The following PPTC7 variants were observed in gnomAD, a reference collection of about 807,000 sequenced individuals.
PPTC7 encodes protein phosphatase targeting COQ7.
A neutral mutation model predicts 30.8 loss-of-function variants in PPTC7; 6 were observed. That is an observed-to-expected ratio of 0.19 (90% CI 0.11 to 0.38). PPTC7 has a LOEUF of 0.38. Among genes scored for constraint, PPTC7 ranks in the 10% least tolerant of loss-of-function variants. The pLI, the probability that PPTC7 is intolerant of heterozygous loss-of-function variation, is 1.00. For synonymous variants in PPTC7, 163 were observed against 168.1 expected (o/e 0.97, Z 0.23); for missense variants, 218 against 404.8 (o/e 0.54, Z 3.96).
intron 3 of PPTC7, among the ~76,000 whole-genome samples, chr12:110,542,690 A>AG (rs2064271220): frequency 6.6e-6 from 1 of 150,806 alleles, no homozygotes; most frequent in African/African-American, 2.4e-5. Flanking sequence ...AAAAAAAAAA[A>AG]AAAAAAAAAG....
At chr12:110,574,562 G>A (rs923211241) in intron 1 of PPTC7, among the ~76,000 whole-genome samples, 3 of 152,224 alleles carry the variant, frequency 2.0e-5, no homozygotes, top group East Asian at 1.9e-4. Flanking sequence ...AAAACATTTA[G>A]CATCTCTTTT....
chr12:110,538,809 A>G (rs144725889), intron 4 of PPTC7, among the ~76,000 whole-genome samples: 19 of 152,314 alleles, frequency 1.2e-4, no homozygotes, highest in Non-Finnish European at 2.2e-4. Flanking sequence ...TTTCAGTATA[A>G]TGACAGGTCT....
chr12:110,573,898 T>C (rs1329455007), intron 1 of PPTC7, among the ~76,000 whole-genome samples: 2 of 151,972 alleles, frequency 1.3e-5, no homozygotes, highest in East Asian at 1.9e-4. Flanking sequence ...CGAGAATCGC[T>C]TGAACCCGGG....
chr12:110,549,867 G>C (rs907108990), intron 2 of PPTC7, among the ~76,000 whole-genome samples: 9 of 152,152 alleles, frequency 5.9e-5, no homozygotes, highest in Admixed American at 2.0e-4. Flanking sequence ...CCTGGAATCT[G>C]TGTCTAGGGG....
chr12:110,559,602 T>G (rs1335079970), intron 1 of PPTC7, among the ~76,000 whole-genome samples: 1 of 151,722 alleles, frequency 6.6e-6, no homozygotes. Context: ...GGTGCGTGCC[T>G]GTAATCCCAG....
Position 110,554,690 on chromosome 12 carries a change from C to T in PPTC7, c.224-2722G>A, listed in dbSNP as rs570666853. On this transcript the variant is annotated intron_variant, in intron 1 of 5. Coordinates refer to ENST00000354300, the MANE Select transcript of PPTC7 (RefSeq NM_139283.2). Reference sequence around the variant, plus strand: ...ATCAAAGCCATCATACAATCTTCTACTCAAACTCTTGCAAAACACCAAGCT... The same window carrying T: ...ATCAAAGCCATCATACAATCTTCTATTCAAACTCTTGCAAAACACCAAGCT... Among the ~76,000 whole-genome samples, 9 of 152,238 alleles carry T rather than the reference C, an allele frequency of 5.9e-5. No homozygotes were observed. The South Asian group carries it at 1.9e-3, about 32-fold the overall frequency.
intron 1 of PPTC7, among the ~76,000 whole-genome samples, chr12:110,571,780 G>A (rs939907539): frequency 6.6e-6 from 1 of 152,170 alleles, no homozygotes; most frequent in East Asian, 1.9e-4. Context: ...TTGGTGAATT[G>A]TGTATTGTAA....
At position 110,536,067 on chromosome 12, in the gene PPTC7, A is replaced by AGAGT. The variant is rs2064216497; in HGVS notation, c.*966_*969dup. The AGAGT allele has an allele frequency of 6.6e-6, 1 of 152,296 alleles. No homozygotes were observed. The highest frequency in any genetic ancestry group is 1.5e-5 in the Non-Finnish European group (1 of 68,056). 9.4% of individuals were successfully genotyped at this position (152,296 alleles called of 1,614,324 possible). On this transcript the variant is annotated 3_prime_UTR_variant, in exon 6 of 6. Transcript: ENST00000354300. ...AGCAAGGCTACTAATAAAAGGTCTG[A>AGAGT]GAGTACGAGTATGGGTAGGTAGCAT... is the stretch of plus-strand genomic sequence containing the variant.
chr12:110,539,927 G>A lies in PPTC7; in HGVS notation c.621C>T (p.Ser207=). The A allele has an allele frequency of 1.9e-6, 3 of 1,614,038 alleles. No individual in the cohort carries two copies. The highest frequency in any genetic ancestry group is 2.2e-5 in the South Asian group (2 of 91,080). Residue 207 remains serine, a synonymous_variant, in exon 4 of 6, where the codon AGC becomes AGT. Coordinates refer to ENST00000354300, the MANE Select transcript of PPTC7 (RefSeq NM_139283.2). ...VLSDSPDAAD[S]TSFDVQLGDI... ...CTCCTAGCTGGACATCGAAAGACGT[G>A]CTATCAGCAGCATCCGGACTGTGGC...
intron 1 of PPTC7, among the ~76,000 whole-genome samples, chr12:110,581,468 G>A (rs2064636744): frequency 6.6e-6 from 1 of 151,814 alleles, no homozygotes; most frequent in South Asian, 2.1e-4. Context: ...ACTTCTAAAT[G>A]TATCAGGGAA....
At chr12:110,571,149 T>C (rs1283254388) in intron 1 of PPTC7, among the ~76,000 whole-genome samples, 2 of 152,152 alleles carry the variant, frequency 1.3e-5, no homozygotes, top group African/African-American at 2.4e-5. Context: ...AGGGTGATAA[T>C]GGGGCAAACT....
At chr12:110,560,813 T>C (rs1324454437) in intron 1 of PPTC7, among the ~76,000 whole-genome samples, 1 of 152,236 alleles carries the variant, frequency 6.6e-6, no homozygotes, top group African/African-American at 2.4e-5. Context: ...CCAAAGGTAA[T>C]AGCTTTATTC....
Position 110,550,557 on chromosome 12 carries a change from G to A in PPTC7, c.403+1232C>T, listed in dbSNP as rs186057675. On this transcript the variant is annotated intron_variant, in intron 2 of 5. Coordinates refer to ENST00000354300, the MANE Select transcript of PPTC7 (RefSeq NM_139283.2). ...ACAGGGGCTGATTTTAAATGTCAAT[G>A]GTGACTGGGAAGGAGGCCTTCTAGT... 1.6e-3 allele frequency among the ~76,000 whole-genome samples: 241 copies of A among 152,110 alleles called. 2 individuals are homozygous for A. Among genetic ancestry groups the A allele is most frequent in the Non-Finnish European group, 1.6e-3 (108 of 67,986 alleles).
At chr12:110,560,618 G>A (rs1439577252) in intron 1 of PPTC7, among the ~76,000 whole-genome samples, 3 of 152,086 alleles carry the variant, frequency 2.0e-5, no homozygotes, top group African/African-American at 7.2e-5. Context: ...CCCTCCTACT[G>A]CACTCATCTT....
Position 110,549,711 on chromosome 12 carries a change from G to A in PPTC7, c.403+2078C>T, listed in dbSNP as rs181602470. 6.8e-3 allele frequency among the ~76,000 whole-genome samples: 1,032 copies of A among 152,218 alleles called. 1 individual carries two copies. Among genetic ancestry groups the A allele is most frequent in the Non-Finnish European group, 9.4e-3 (636 of 68,000 alleles). ...AAAGGGAAAGTAGGAATAGGAAAAA[G>A]AAAAAGGCACAGCAAAAACCAAAGC... On this transcript the variant is annotated intron_variant, in intron 2 of 5. Coordinates refer to ENST00000354300, the MANE Select transcript of PPTC7 (RefSeq NM_139283.2).
At chr12:110,539,975 T>C in intron 3 of PPTC7, 30 bp from the exon 4 acceptor site, 1 of 1,609,144 alleles carries the variant, frequency 6.2e-7, no homozygotes, top group Non-Finnish European at 8.5e-7. Context: ...GGGACAAAGT[T>C]AAGAAGGCCC....
intron 1 of PPTC7, among the ~76,000 whole-genome samples, chr12:110,577,908 A>AACAC (rs150465990): frequency 2.0e-5 from 3 of 151,140 alleles, no homozygotes; most frequent in South Asian, 2.1e-4. Flanking sequence ...AGAAGTTATA[A>AACAC]ACACACACAC....
At chr12:110,579,810 C>T (rs1466290587) in intron 1 of PPTC7, among the ~76,000 whole-genome samples, 1 of 151,958 alleles carries the variant, frequency 6.6e-6, no homozygotes, top group Admixed American at 6.6e-5. Context: ...GTTAGGAGTT[C>T]GAGTACAGCC....
chr12:110,538,805 TATA>T (rs2064236707), intron 4 of PPTC7, among the ~76,000 whole-genome samples: 1 of 152,188 alleles, frequency 6.6e-6, no homozygotes, highest in African/African-American at 2.4e-5. Flanking sequence ...CTAGTTTCAG[TATA>T]ATGACAGGTC....
Sources: gnomAD v4.1 joint callset for allele counts (sites outside exome capture counted in the v4.1 genomes callset) on GRCh38, gnomAD v4.1.1 for gene constraint, MANE v1.5 for transcripts, NCBI Gene and HGNC (gene_info 2026-07-23, HGNC 2026-07-21) for gene names.